The following KCNG3 variants were observed in gnomAD, a reference collection of about 807,000 sequenced individuals.
KCNG3 encodes potassium voltage-gated channel modifier subfamily G member 3, also known as voltage-gated potassium channel regulatory subunit KCNG3.
A neutral mutation model predicts 29.0 loss-of-function variants in KCNG3; 15 were observed. That is an observed-to-expected ratio of 0.52 (90% CI 0.35 to 0.80). KCNG3 has a LOEUF of 0.80. Ranked by LOEUF, KCNG3 falls within the 30% of genes least tolerant of loss-of-function variation. The pLI is 0.01. For synonymous variants in KCNG3, 322 were observed against 248.9 expected (o/e 1.29, Z -2.76); for missense variants, 512 against 605.7 (o/e 0.85, Z 1.62).
At chr2:42,480,595 T>C (rs1004994104) in intron 1 of KCNG3, among the ~76,000 whole-genome samples, 42 of 152,106 alleles carry the variant, frequency 2.8e-4, no homozygotes, top group African/African-American at 8.9e-4. Flanking sequence ...GACACTAAAA[T>C]GTGAATGTCA....
chr2:42,478,788 G>C (rs1408470149), intron 1 of KCNG3, among the ~76,000 whole-genome samples: 1 of 151,930 alleles, frequency 6.6e-6, no homozygotes. Flanking sequence ...AGAGTTACTG[G>C]GTAATATTAA....
chr2:42,451,908 AAAC>A (rs539717843), intron 1 of KCNG3, among the ~76,000 whole-genome samples: 20 of 151,796 alleles, frequency 1.3e-4, no homozygotes, highest in Admixed American at 2.6e-4. Context: ...TCAAAAACAA[AAAC>A]AACAACAACA....
chr2:42,493,647 G>A lies in KCNG3; in HGVS notation c.-146C>T. 1.7e-6 allele frequency: 1 copy of A among 605,544 alleles called. No homozygotes were observed. Among genetic ancestry groups the A allele is most frequent in the Non-Finnish European group, 2.4e-6 (1 of 422,864 alleles). 37.5% of individuals were successfully genotyped at this position (605,544 alleles called of 1,614,324 possible). A position where few individuals can be genotyped will look rare whatever the true frequency, so the allele number is the denominator to read the frequency against. On this transcript the variant is annotated 5_prime_UTR_variant, in exon 1 of 2. Transcript: ENST00000306078. ...CCTCGGGGCTCCGCTCCTGCCCTCC[G>A]CTGGCCCGGGGGTCCCTGGGCTCGA... is the stretch of plus-strand genomic sequence containing the variant.
At chr2:42,462,115 A>C (rs1673034624) in intron 1 of KCNG3, among the ~76,000 whole-genome samples, 1 of 152,228 alleles carries the variant, frequency 6.6e-6, no homozygotes, top group Admixed American at 6.5e-5. Flanking sequence ...GAGTGGTGAG[A>C]ATGCAACAGA....
At chr2:42,489,776 G>C (rs959255137) in intron 1 of KCNG3, among the ~76,000 whole-genome samples, 7 of 152,206 alleles carry the variant, frequency 4.6e-5, no homozygotes, top group Non-Finnish European at 8.8e-5. Context: ...AGAGGATACT[G>C]TTAACTCCTG....
chr2:42,487,596 C>T (rs539533957), intron 1 of KCNG3, among the ~76,000 whole-genome samples: 20 of 152,218 alleles, frequency 1.3e-4, no homozygotes, highest in African/African-American at 4.6e-4. Context: ...CACTTTTCAG[C>T]ATAGTAAAGA....
intron 1 of KCNG3, among the ~76,000 whole-genome samples, chr2:42,482,230 T>C (rs1673605283): frequency 6.6e-6 from 1 of 152,244 alleles, no homozygotes; most frequent in South Asian, 2.1e-4. Flanking sequence ...TTTGTTGAAT[T>C]TAACGAATAC....
At chr2:42,480,889 T>G (rs779725833) in intron 1 of KCNG3, among the ~76,000 whole-genome samples, 1 of 152,098 alleles carries the variant, frequency 6.6e-6, no homozygotes, top group Non-Finnish European at 1.5e-5. Flanking sequence ...CAAGCAATTT[T>G]TGTGCCTCAG....
chr2:42,468,622 T>G (rs947830427), intron 1 of KCNG3, among the ~76,000 whole-genome samples: 5 of 152,140 alleles, frequency 3.3e-5, no homozygotes, highest in Non-Finnish European at 7.4e-5. Context: ...TGGAATTATA[T>G]ACTATGTTCA....
chr2:42,432,870 A>G, the KCNG3 span, among the ~76,000 whole-genome samples: 1 of 152,060 alleles, frequency 6.6e-6, no homozygotes, highest in African/African-American at 2.4e-5. Flanking sequence ...AGACAGTACA[A>G]CAACTTAACT....
At chr2:42,422,703 G>A in the KCNG3 span, among the ~76,000 whole-genome samples, 1 of 152,096 alleles carries the variant, frequency 6.6e-6, no homozygotes, top group Non-Finnish European at 1.5e-5. Context: ...AGAGCTCAGG[G>A]TTTAATATGG....
At position 42,451,002 on chromosome 2, in the gene KCNG3, C is replaced by T. The variant is rs1392919333; in HGVS notation, c.666-6423G>A. On this transcript the variant is annotated intron_variant, in intron 1 of 1. Transcript: ENST00000306078. ...GGTGGATCACCTGAGGTCAGGAGTT[C>T]GAGACCAGCCTGGCCAACATGGTGA... Among the ~76,000 whole-genome samples, 8 of 151,808 alleles carry T rather than the reference C, an allele frequency of 5.3e-5. No individual in the cohort carries two copies. The South Asian group carries it at 1.5e-3, about 28-fold the overall frequency.
At chr2:42,419,800 A>C in the KCNG3 span, among the ~76,000 whole-genome samples, 1 of 152,242 alleles carries the variant, frequency 6.6e-6, no homozygotes, top group Non-Finnish European at 1.5e-5. Flanking sequence ...ATGAGGAGAC[A>C]ACAGGTCATG....
chr2:42,407,215 T>C, the KCNG3 span, among the ~76,000 whole-genome samples: 1 of 146,820 alleles, frequency 6.8e-6, no homozygotes, highest in African/African-American at 2.5e-5. Context: ...TCTTGCTCCA[T>C]CGCCCAGGCT....
intron 1 of KCNG3, among the ~76,000 whole-genome samples, chr2:42,485,776 G>A (rs1673704813): frequency 6.6e-6 from 1 of 152,098 alleles, no homozygotes; most frequent in Non-Finnish European, 1.5e-5. Context: ...AAAACAACTT[G>A]TCTATATGTT....
intron 1 of KCNG3, among the ~76,000 whole-genome samples, chr2:42,457,678 C>A (rs567962476): frequency 1.2e-4 from 17 of 138,718 alleles, no homozygotes; most frequent in African/African-American, 4.0e-4. Flanking sequence ...CAAGGCTGGG[C>A]GCAGTGGCTC....
chr2:42,408,620 T>C, the KCNG3 span, among the ~76,000 whole-genome samples: 8 of 152,262 alleles, frequency 5.3e-5, no homozygotes, highest in Non-Finnish European at 1.0e-4. Context: ...AGCTGCCCCC[T>C]GTGGTAGACT....
Position 42,443,996 on chromosome 2 carries a change from G to T in KCNG3, c.1249C>A (p.His417Asn). Residue 417 changes from histidine (H) to asparagine (N), a missense_variant, in exon 2 of 2, where the codon CAT becomes AAT. Coordinates refer to ENST00000306078, the MANE Select transcript of KCNG3 (RefSeq NM_133329.6). Reference sequence around the variant, plus strand: ...CTAGCAGATCTAAACTTGAGCTCATGATAACACTGCACAAAGCTATGGTAG... The same window carrying T: ...CTAGCAGATCTAAACTTGAGCTCATTATAACACTGCACAAAGCTATGGTAG... ...FIYHSFVQCY[H>N]ELKFRSARYS... The T allele has an allele frequency of 1.9e-6, 3 of 1,614,136 alleles. No homozygotes were observed. Among genetic ancestry groups the T allele is most frequent in the Non-Finnish European group, 2.5e-6 (3 of 1,180,006 alleles).
chr2:42,417,357 G>C, the KCNG3 span, among the ~76,000 whole-genome samples: 1 of 152,174 alleles, frequency 6.6e-6, no homozygotes, highest in Non-Finnish European at 1.5e-5. Flanking sequence ...GTCTCATTCT[G>C]TCACCTGGGT....
Sources: allele counts gnomAD v4.1 joint callset (sites outside exome capture counted in the v4.1 genomes callset), GRCh38; gene constraint gnomAD v4.1.1; transcripts MANE v1.5; gene names NCBI Gene and HGNC (gene_info 2026-07-23, HGNC 2026-07-21).